The following EIF4ENIF1 variants were observed in gnomAD, a reference collection of about 807,000 sequenced individuals.
EIF4ENIF1 encodes eukaryotic translation initiation factor 4E nuclear import factor 1.
EIF4ENIF1 carries 23 observed loss-of-function variants against 110.5 expected under a neutral mutation model. That is an observed-to-expected ratio of 0.21 (90% confidence interval 0.15 to 0.29). The LOEUF (loss-of-function observed/expected upper bound fraction) is 0.29. EIF4ENIF1 is among the 10% of genes least tolerant of loss of function. The probability of loss-of-function intolerance (pLI) is 1.00; values close to 1 mark genes in which losing one functional copy is unlikely to be tolerated. For missense variants in EIF4ENIF1, 1,031 were observed against 1,221.1 expected, an observed-to-expected ratio of 0.84 and a Z score of 2.32; for synonymous variants, 440 against 437.0, an observed-to-expected ratio of 1.01 and a Z score of -0.09.
At chr22:31,484,061 G>A (rs1264398975) in intron 2 of EIF4ENIF1, among the ~76,000 whole-genome samples, 1 of 152,122 alleles carries the variant, frequency 6.6e-6, no homozygotes, top group East Asian at 1.9e-4. Flanking sequence ...TGAGTTACTT[G>A]ACACCACCAA....
At chr22:31,447,301 G>T in intron 14 of EIF4ENIF1, 125 bp downstream of exon 14, 1 of 1,150,036 alleles carries the variant, frequency 8.7e-7, no homozygotes. Flanking sequence ...GGATTGGGAT[G>T]GAATTTCTAC....
chr22:31,490,882 C>T (rs1318258647), upstream of EIF4ENIF1, among the ~76,000 whole-genome samples: 2 of 152,190 alleles, frequency 1.3e-5, no homozygotes, highest in Non-Finnish European at 2.9e-5. Flanking sequence ...TTCCAAGAGG[C>T]CTACTTTGTT....
At chr22:31,469,384 A>G (rs1488415309) in intron 3 of EIF4ENIF1, among the ~76,000 whole-genome samples, 3 of 152,230 alleles carry the variant, frequency 2.0e-5, no homozygotes, top group African/African-American at 7.2e-5. Flanking sequence ...ATATCCTTCC[A>G]TAGACCAATG....
intron 11 of EIF4ENIF1, among the ~76,000 whole-genome samples, chr22:31,449,741 T>C (rs979024399): frequency 2.3e-4 from 35 of 151,704 alleles, no homozygotes; most frequent in African/African-American, 8.0e-4. Flanking sequence ...TTCCTTTTTT[T>C]TTTTTTTGAG....
chr22:31,458,948 G>C (rs963305211), intron 6 of EIF4ENIF1, among the ~76,000 whole-genome samples: 6 of 124,204 alleles, frequency 4.8e-5, no homozygotes, highest in African/African-American at 1.5e-4. Context: ...TTTTTTTTGA[G>C]ATGGGGTCTT....
intron 7 of EIF4ENIF1, among the ~76,000 whole-genome samples, chr22:31,456,246 CAG>C (rs2050807977): frequency 7.4e-6 from 1 of 135,916 alleles, no homozygotes; most frequent in Non-Finnish European, 1.5e-5. Flanking sequence ...TTTTTTGAGA[CAG>C]AGTCTCGCTC....
chr22:31,466,423 A>G (rs1441591211), intron 4 of EIF4ENIF1, among the ~76,000 whole-genome samples: 1 of 131,038 alleles, frequency 7.6e-6, no homozygotes, highest in Non-Finnish European at 1.7e-5. Flanking sequence ...GGTGGGGGGA[A>G]AAAAAAATTA....
intron 2 of EIF4ENIF1, among the ~76,000 whole-genome samples, chr22:31,486,413 G>A (rs2052030980): frequency 6.6e-6 from 1 of 151,700 alleles, no homozygotes; most frequent in Admixed American, 6.6e-5. Context: ...GCAGTGAGCC[G>A]AGATTGCACC....
chr22:31,459,432 T>G (rs898034031), intron 6 of EIF4ENIF1, among the ~76,000 whole-genome samples: 1 of 152,202 alleles, frequency 6.6e-6, no homozygotes, highest in Non-Finnish European at 1.5e-5. Flanking sequence ...AGGTTGGTTG[T>G]TGTAGCTCAT....
At chr22:31,445,136 C>T (rs970629036) in intron 14 of EIF4ENIF1, among the ~76,000 whole-genome samples, 2 of 152,112 alleles carry the variant, frequency 1.3e-5, no homozygotes, top group East Asian at 1.9e-4. Context: ...GTAGGGTTAT[C>T]CAGAGCTGGT....
upstream of EIF4ENIF1, among the ~76,000 whole-genome samples, chr22:31,490,750 G>A (rs1326415616): frequency 6.6e-6 from 1 of 152,142 alleles, no homozygotes; most frequent in Non-Finnish European, 1.5e-5. Context: ...CTATGTGCTG[G>A]AATACCACAA....
intron 2 of EIF4ENIF1, among the ~76,000 whole-genome samples, chr22:31,487,715 G>A (rs1460988862): frequency 2.0e-5 from 3 of 151,490 alleles, no homozygotes; most frequent in Non-Finnish European, 2.9e-5. Flanking sequence ...GCTTGAGCCC[G>A]GGAGGTCCAG....
At chr22:31,448,369 C>A in intron 12 of EIF4ENIF1, 137 bp from the exon 13 acceptor site, 1 of 862,884 alleles carries the variant, frequency 1.2e-6, no homozygotes. Context: ...AGATGTCCCT[C>A]TCCCTCTGTG....
intron 3 of EIF4ENIF1, among the ~76,000 whole-genome samples, chr22:31,471,518 G>C (rs2051379123): frequency 6.6e-6 from 1 of 152,226 alleles, no homozygotes; most frequent in East Asian, 1.9e-4. Flanking sequence ...GTTTCACCAT[G>C]TCAGCCAGGA....
At chr22:31,454,452 G>A in intron 9 of EIF4ENIF1, 76 bp from the exon 10 acceptor site, 1 of 1,216,906 alleles carries the variant, frequency 8.2e-7, no homozygotes, top group Non-Finnish European at 1.2e-6. Flanking sequence ...TAGTATGACA[G>A]ATAAGATGAA....
At chr22:31,467,993 G>A (rs995828538) in intron 4 of EIF4ENIF1, among the ~76,000 whole-genome samples, 182 bp downstream of exon 4, 4 of 152,112 alleles carry the variant, frequency 2.6e-5, no homozygotes, top group Non-Finnish European at 5.9e-5. Flanking sequence ...TTCTTATATA[G>A]CTGTGACAAA....
chr22:31,476,344 A>T (rs1305651418), intron 2 of EIF4ENIF1, among the ~76,000 whole-genome samples: 1 of 152,200 alleles, frequency 6.6e-6, no homozygotes, highest in Non-Finnish European at 1.5e-5. Flanking sequence ...AATTACCACT[A>T]CAGCTGTTTG....
At chr22:31,487,924 C>G (rs2052107174) in intron 2 of EIF4ENIF1, among the ~76,000 whole-genome samples, 2 of 151,958 alleles carry the variant, frequency 1.3e-5, no homozygotes, top group Non-Finnish European at 2.9e-5. Context: ...TTTATGGGAT[C>G]CAGCCTGACA....
rs199775256 is a variant in EIF4ENIF1, at chr22:31,468,164, T to A, written c.298+11A>T. 1.2e-6 allele frequency: 2 copies of A among 1,612,950 alleles called. No individual in the cohort carries two copies. The highest frequency in any genetic ancestry group is 1.3e-5 in the African/African-American group (1 of 75,038). ...ATCACTAACCCCACTTCTGAGTGACTGTGTGCTCACCTACTATCCTGCGCA... is the reference window on the plus strand; with the variant it reads ...ATCACTAACCCCACTTCTGAGTGACAGTGTGCTCACCTACTATCCTGCGCA... On this transcript the variant is annotated intron_variant, in intron 4 of 18. Transcript: ENST00000330125.
Sources: allele counts gnomAD v4.1 joint callset (sites outside exome capture counted in the v4.1 genomes callset), GRCh38; gene constraint gnomAD v4.1.1; transcripts MANE v1.5; gene names NCBI Gene and HGNC (gene_info 2026-07-23, HGNC 2026-07-21).